MOB3B: variants seen among roughly 807,000 people sequenced by gnomAD.
The protein encoded by MOB3B is MOB kinase activator 3B, also known as MOB kinase activator-like 2B.
A neutral mutation model predicts 18.7 loss-of-function variants in MOB3B; 7 were observed. The ratio of observed to expected loss-of-function variants is 0.37; its 90% confidence interval spans 0.21 to 0.70. The LOEUF (loss-of-function observed/expected upper bound fraction) is 0.70. Among genes scored for constraint, MOB3B ranks in the 30% least tolerant of loss-of-function variants. The pLI is 0.52. For missense variants in MOB3B, 253 were observed against 281.3 expected, an observed-to-expected ratio of 0.90 and a Z score of 0.72; for synonymous variants, 111 against 99.9, an observed-to-expected ratio of 1.11 and a Z score of -0.66.
At chr9:27,519,012 G>A (rs1464158823) in intron 1 of MOB3B, among the ~76,000 whole-genome samples, 1 of 152,180 alleles carries the variant, frequency 6.6e-6, no homozygotes, top group African/African-American at 2.4e-5. Context: ...AAGTGCTCAT[G>A]ATCTGACCAG....
intron 3 of MOB3B, among the ~76,000 whole-genome samples, chr9:27,352,315 G>C (rs368316259): frequency 4.7e-5 from 7 of 147,450 alleles, no homozygotes; most frequent in African/African-American, 1.8e-4. Context: ...CAGGAGGCTA[G>C]AGGATGCAGT....
In MOB3B at chr9:27,403,066, G is replaced by A. The variant is rs1212626248; in HGVS notation, c.419-43830C>T. On this transcript the variant is annotated intron_variant, in intron 2 of 3. Transcript: ENST00000262244. ...TTAAAAGGGAGACTAGTCATGGACC[G>A]AAAAAAAAAAGTTTGGTATCTGGCT... Among the ~76,000 whole-genome samples, 6 of 149,118 alleles carry A rather than the reference G, an allele frequency of 4.0e-5. No homozygotes were observed. The South Asian group carries it at 1.1e-3, about 26-fold the overall frequency.
intron 3 of MOB3B, among the ~76,000 whole-genome samples, chr9:27,354,317 G>A (rs1418618170): frequency 6.6e-6 from 1 of 152,200 alleles, no homozygotes; most frequent in Non-Finnish European, 1.5e-5. Flanking sequence ...GAATTTCACT[G>A]CTAAAACAGA....
intron 1 of MOB3B, among the ~76,000 whole-genome samples, chr9:27,483,663 G>T (rs747291994): frequency 1.3e-5 from 2 of 152,074 alleles, no homozygotes; most frequent in African/African-American, 4.8e-5. Context: ...GCTTTTCATC[G>T]CTTGCTGCAC....
chr9:27,385,196 G>T (rs533700765), intron 2 of MOB3B, among the ~76,000 whole-genome samples: 17 of 152,240 alleles, frequency 1.1e-4, no homozygotes, highest in African/African-American at 3.9e-4. Flanking sequence ...TCCTCTGTAG[G>T]GTTTAACATA....
intron 2 of MOB3B, among the ~76,000 whole-genome samples, chr9:27,368,924 C>A (rs61261339): frequency 1.3e-5 from 2 of 152,162 alleles, no homozygotes; most frequent in African/African-American, 2.4e-5. Context: ...CAGATGGCTG[C>A]CTTTGTCCCC....
rs756275032 is a variant in MOB3B, at chr9:27,404,347, C to CTTTTTTTTT, written c.419-45120_419-45112dup. Among the ~76,000 whole-genome samples, 169 of 75,182 alleles carry CTTTTTTTTT rather than the reference C, an allele frequency of 2.2e-3. 2 individuals carry two copies. Among genetic ancestry groups the CTTTTTTTTT allele is most frequent in the African/African-American group, 2.8e-3 (49 of 17,426 alleles). 49.3% of individuals were successfully genotyped at this position (75,182 alleles called of 152,430 possible). On this transcript the variant is annotated intron_variant, in intron 2 of 3. Coordinates refer to ENST00000262244, the MANE Select transcript of MOB3B (RefSeq NM_024761.5). ...TCTTTCTTTCTTTCCTTCTTTCTTTCTTTTTTTTTTTTTTTTTTTTTTTTT... is the reference window on the plus strand; with the variant it reads ...TCTTTCTTTCTTTCCTTCTTTCTTTCTTTTTTTTTTTTTTTTTTTTTTTTTTTTTTTTTT...
chr9:27,466,841 A>G (rs1321370381), intron 1 of MOB3B, among the ~76,000 whole-genome samples: 2 of 152,142 alleles, frequency 1.3e-5, no homozygotes, highest in East Asian at 3.9e-4. Context: ...AATATGTGGG[A>G]ATTTTGGGAG....
At chr9:27,502,993 T>C (rs1393832720) in intron 1 of MOB3B, among the ~76,000 whole-genome samples, 1 of 152,204 alleles carries the variant, frequency 6.6e-6, no homozygotes, top group Non-Finnish European at 1.5e-5. Context: ...CAGACCCTTT[T>C]TCTTGGGGGA....
chr9:27,486,543 G>A (rs1206832529), intron 1 of MOB3B, among the ~76,000 whole-genome samples: 1 of 152,164 alleles, frequency 6.6e-6, no homozygotes, highest in Non-Finnish European at 1.5e-5. Flanking sequence ...CCTAACTAAA[G>A]CTAGTCCTGT....
intron 3 of MOB3B, among the ~76,000 whole-genome samples, chr9:27,345,657 T>C (rs1327391783): frequency 6.6e-6 from 1 of 152,206 alleles, no homozygotes; most frequent in Non-Finnish European, 1.5e-5. Context: ...TTCTGATCCA[T>C]AGTCATCAAA....
chr9:27,485,841 G>A (rs1465323199), intron 1 of MOB3B, among the ~76,000 whole-genome samples: 2 of 152,216 alleles, frequency 1.3e-5, no homozygotes, highest in Non-Finnish European at 2.9e-5. Context: ...GTTAAGTCCT[G>A]TATGTATAAA....
Position 27,529,770 on chromosome 9 carries a change from C to T in MOB3B, c.-414G>A. On this transcript the variant is annotated 5_prime_UTR_variant, in exon 1 of 4. Transcript: ENST00000262244. Reference sequence around the variant, plus strand: ...GCAGCCGCCGTCGCTCCGGAGCAGCCCCCTCATGCACCCAGCGCGCCGCGC... The same window carrying T: ...GCAGCCGCCGTCGCTCCGGAGCAGCTCCCTCATGCACCCAGCGCGCCGCGC... The T allele has an allele frequency of 1.5e-5, 15 of 985,432 alleles. No homozygotes were observed. Among genetic ancestry groups the T allele is most frequent in the Non-Finnish European group, 1.8e-5 (15 of 829,962 alleles). The allele number at this position is 985,432 out of a possible 1,614,324, so 61.0% of individuals were successfully genotyped here.
chr9:27,458,699 T>C (rs1446029256), intron 1 of MOB3B, among the ~76,000 whole-genome samples: 2 of 150,934 alleles, frequency 1.3e-5, no homozygotes, highest in African/African-American at 4.9e-5. Flanking sequence ...CGTAGGTGCA[T>C]GCCACAATGC....
chr9:27,451,945 A>T (rs1822791233), intron 2 of MOB3B, among the ~76,000 whole-genome samples: 1 of 152,242 alleles, frequency 6.6e-6, no homozygotes, highest in Non-Finnish European at 1.5e-5. Context: ...AACTGAGGGC[A>T]AATCACAGAG....
At chr9:27,432,845 G>A (rs1412927008) in intron 2 of MOB3B, among the ~76,000 whole-genome samples, 1 of 152,138 alleles carries the variant, frequency 6.6e-6, no homozygotes, top group Non-Finnish European at 1.5e-5. Context: ...GGGCATTAAA[G>A]GAATGCTCCA....
intron 1 of MOB3B, among the ~76,000 whole-genome samples, chr9:27,460,550 T>C (rs982724627): frequency 1.3e-5 from 2 of 152,140 alleles, no homozygotes; most frequent in Admixed American, 1.3e-4. Context: ...TCCCAGTCAC[T>C]CCTGAGAGAT....
chr9:27,476,546 A>G (rs1378483613), intron 1 of MOB3B, among the ~76,000 whole-genome samples: 2 of 152,148 alleles, frequency 1.3e-5, no homozygotes, highest in Non-Finnish European at 2.9e-5. Flanking sequence ...TTAACTGATT[A>G]TTTTCTGCAA....
chr9:27,486,861 T>G (rs908574852), intron 1 of MOB3B, among the ~76,000 whole-genome samples: 1 of 152,212 alleles, frequency 6.6e-6, no homozygotes, highest in Non-Finnish European at 1.5e-5. Flanking sequence ...CTGGGCGTGG[T>G]GGCTCACGCT....
Sources: allele counts gnomAD v4.1 joint callset (sites outside exome capture counted in the v4.1 genomes callset), GRCh38; gene constraint gnomAD v4.1.1; transcripts MANE v1.5; gene names NCBI Gene and HGNC (gene_info 2026-07-23, HGNC 2026-07-21).